The following ZNF165 variants were observed in gnomAD, a reference collection of about 807,000 sequenced individuals.
ZNF165 encodes cancer/testis antigen 53.
In ZNF165, 14 loss-of-function variants were observed where a neutral mutation model predicts 19.6. The ratio of observed to expected loss-of-function variants is 0.71; its 90% CI spans 0.47 to 1.12. The LOEUF is 1.12. Among genes scored for constraint, ZNF165 ranks in the 50% most tolerant of loss-of-function variants. The probability of loss-of-function intolerance (pLI) is 0.00; values close to 1 mark genes in which losing one functional copy is unlikely to be tolerated. For missense variants in ZNF165, 504 were observed against 566.3 expected (o/e 0.89, Z 1.12); for synonymous variants, 165 against 195.0 (o/e 0.85, Z 1.28).
intron 3 of ZNF165, among the ~76,000 whole-genome samples, chr6:28,087,379 G>C (rs1226487531): frequency 2.6e-5 from 4 of 152,148 alleles, no homozygotes; most frequent in Non-Finnish European, 2.9e-5. Flanking sequence ...CCGAGTAGCT[G>C]AGATTACATG....
intron 1 of ZNF165, among the ~76,000 whole-genome samples, chr6:28,085,095 A>AT (rs1233944635): frequency 6.6e-6 from 1 of 151,834 alleles, no homozygotes; most frequent in Admixed American, 6.6e-5. Context: ...TATTTTTCTC[A>AT]TCTCCTATTT....
rs1440159149 is a variant in ZNF165 at position 28,085,468 on chromosome 6, A to G, written c.1-13A>G. 6.2e-7 allele frequency: 1 copy of G among 1,600,844 alleles called. No individual in the cohort carries two copies. Among genetic ancestry groups the G allele is most frequent in the Admixed American group, 1.8e-5 (1 of 54,590 alleles). ...CTTTCCAAAGCAGTTCTGATAATAT[A>G]TTCTATCCACAGATGGCTACAGAAC... On this transcript the variant is annotated splice_polypyrimidine_tract_variant and intron_variant, in intron 1 of 3. Transcript: ENST00000683778.
At position 28,089,446 on chromosome 6, in the gene ZNF165, C is replaced by T; in HGVS notation, c.1434C>T (p.His478=). 6.2e-7 allele frequency: 1 copy of T among 1,602,212 alleles called. No homozygotes were observed. Reference sequence around the variant, plus strand: ...ACCTTAGTCAACACCAGAGAATTCACATGAGGGAAAACCTATTAATGTAAG... The same window carrying T: ...ACCTTAGTCAACACCAGAGAATTCATATGAGGGAAAACCTATTAATGTAAG... ...SSNLSQHQRI[H]MRENLLM The change falls in exon 4 of 4, where the codon CAC becomes CAT. Residue 478 remains histidine (H), a synonymous_variant. Transcript: ENST00000683778.
In ZNF165 at chr6:28,085,875, A is replaced by G. The variant is rs780039967; in HGVS notation, c.395A>G (p.Asp132Gly). 28 of 1,610,866 alleles carry G rather than the reference A, an allele frequency of 1.7e-5. 1 individual carries two copies. In the South Asian group the frequency reaches 3.1e-4, roughly 18 times the overall value. ...TILEDLERGT[D>G]EAVLQVQAHE... Reference sequence around the variant, plus strand: ...CTAGAAGATTTGGAGAGAGGCACTGATGAAGCAGTACTCCAGGTGCACAGG... The same window carrying G: ...CTAGAAGATTTGGAGAGAGGCACTGGTGAAGCAGTACTCCAGGTGCACAGG... The change falls in exon 2 of 4, where the codon GAT (aspartate) becomes GGT (glycine). Residue 132 changes from aspartate (D) to glycine (G), a missense_variant. Asp to Gly is a moderately conservative substitution (Grantham distance 94, BLOSUM62 -1). Coordinates refer to ENST00000683778, the MANE Select transcript of ZNF165 (RefSeq NM_001376491.1).
chr6:28,086,563 A>G (rs1764281435), intron 3 of ZNF165, among the ~76,000 whole-genome samples: 2 of 152,188 alleles, frequency 1.3e-5, no homozygotes, highest in Non-Finnish European at 2.9e-5. Flanking sequence ...TACTAAAAAT[A>G]CAAAAAATTA....
chr6:28,089,274 T>G lies in ZNF165; in HGVS notation c.1262T>G (p.Ile421Ser). ...TCACATCTTATCAGGCATCAGAGAA[T>G]TCACACCAGAGAGAAACCCTACGAG... ...LNSHLIRHQR[I>S]HTREKPYECS... Residue 421 changes from isoleucine to serine, a missense_variant, in exon 4 of 4, where the codon ATT (isoleucine) becomes AGT (serine). Ile to Ser is a moderately radical substitution (Grantham distance 142). Transcript: ENST00000683778. 6.2e-7 allele frequency: 1 copy of G among 1,614,154 alleles called. No individual in the cohort carries two copies. Among genetic ancestry groups the G allele is most frequent in the South Asian group, 1.1e-5 (1 of 91,076 alleles).
intron 2 of ZNF165, 46 bp from the exon 3 acceptor site, chr6:28,086,126 A>G (rs754873360): frequency 6.3e-7 from 1 of 1,581,642 alleles, no homozygotes; most frequent in Non-Finnish European, 8.6e-7. Flanking sequence ...AAGACGTTTA[A>G]CACAGGGATT....
rs1764369173 is a variant in ZNF165, at chr6:28,089,088, T to G, written c.1076T>G (p.Leu359Arg). The G allele has an allele frequency of 1.9e-6, 3 of 1,614,142 alleles. No individual in the cohort carries two copies. In the African/African-American group the frequency reaches 4.0e-5, roughly 22 times the overall value. Reference sequence around the variant, plus strand: ...AAAGCTTTCAGGCACAGCTCAAAACTTGCTAGGCATCAGAGAATCCACACT... The same window carrying G: ...AAAGCTTTCAGGCACAGCTCAAAACGTGCTAGGCATCAGAGAATCCACACT... ...CGKAFRHSSK[L>R]ARHQRIHTGE... is the part of the protein sequence containing the mutation. Residue 359 changes from leucine (L) to arginine (R), a missense_variant, in exon 4 of 4, where the codon CTT becomes CGT. Physicochemically the swap from Leu to Arg is moderately radical, Grantham distance 102 (BLOSUM62 -2). Transcript: ENST00000683778.
intron 3 of ZNF165, among the ~76,000 whole-genome samples, chr6:28,087,175 T>G (rs1054404240): frequency 1.3e-5 from 2 of 152,238 alleles, no homozygotes; most frequent in Non-Finnish European, 2.9e-5. Context: ...GCAGTATCAC[T>G]TAAGGTGTGA....
Position 28,089,325 on chromosome 6 carries a change from G to C in ZNF165, c.1313G>C (p.Arg438Pro). 1.2e-6 allele frequency: 2 copies of C among 1,614,132 alleles called. No homozygotes were observed. The highest frequency in any genetic ancestry group is 1.1e-5 in the South Asian group (1 of 91,084). The stretch of plus-strand genomic sequence containing the variant: ...TGTAGTGAATGTGGGAAAACCTTCC[G>C]AGTGAGCTCACATCTTATTCGACAC... ...YECSECGKTF[R>P]VSSHLIRHFR... The change falls in exon 4 of 4, where the codon CGA becomes CCA. Residue 438 changes from arginine (R) to proline (P), a missense_variant. Physicochemically the swap from Arg to Pro is moderately radical, Grantham distance 103. Transcript: ENST00000683778.
rs540430032 is a variant in ZNF165 at position 28,087,311 on chromosome 6, T to C, written c.550+1001T>C. On this transcript the variant is annotated intron_variant, in intron 3 of 3. Coordinates refer to ENST00000683778, the MANE Select transcript of ZNF165 (RefSeq NM_001376491.1). ...CCTAGGCTGGAGTGCAGTGGCGTGA[T>C]CTCAGCTCACTGCAACCTCCACCTC... Among the ~76,000 whole-genome samples the C allele has an allele frequency of 1.1e-4, 16 of 152,306 alleles. 1 individual carries two copies. In the East Asian group the frequency reaches 2.7e-3, roughly 26 times the overall value.
At position 28,086,312 on chromosome 6, in the gene ZNF165, T is replaced by C. The variant is rs752557753; in HGVS notation, c.550+2T>C. ...AACCCCAGCTCCTATGGGACTGTGG[T>C]GAGGGGCAGAATGCCATATAGTGCA... On this transcript the variant is annotated splice_donor_variant, in intron 3 of 3. Coordinates refer to ENST00000683778, the MANE Select transcript of ZNF165 (RefSeq NM_001376491.1). LOFTEE classifies it high-confidence loss of function. 2.5e-6 allele frequency: 4 copies of C among 1,611,418 alleles called. No homozygotes were observed. The African/African-American group carries it at 4.0e-5, about 16-fold the overall frequency.
Position 28,086,460 on chromosome 6 carries a change from C to G in ZNF165, c.550+150C>G, listed in dbSNP as rs894158824. 19 of 1,188,342 alleles carry G rather than the reference C, an allele frequency of 1.6e-5. 1 individual carries two copies. Among genetic ancestry groups the G allele is most frequent in the African/African-American group, 1.5e-4 (10 of 64,776 alleles). The allele number at this position is 1,188,342 out of a possible 1,614,324, so 73.6% of individuals were successfully genotyped here. A position where few individuals can be genotyped will look rare whatever the true frequency, so the allele number is the denominator to read the frequency against. On this transcript the variant is annotated intron_variant, in intron 3 of 3. Coordinates refer to ENST00000683778, the MANE Select transcript of ZNF165 (RefSeq NM_001376491.1). The stretch of plus-strand genomic sequence containing the variant: ...TTGTGGCCAGGTGCGGTGGCTCACT[C>G]CTGTAATCCCAGCACTTTGGGAGGC...
intron 3 of ZNF165, among the ~76,000 whole-genome samples, chr6:28,088,357 T>A (rs1420541632): frequency 1.3e-5 from 2 of 152,202 alleles, no homozygotes; most frequent in East Asian, 3.8e-4. Flanking sequence ...CACGTCTGAT[T>A]CCTCTCTCTG....
chr6:28,088,811 G>C lies in ZNF165; in HGVS notation c.799G>C (p.Gly267Arg). The change falls in exon 4 of 4, where the codon GGT (glycine) becomes CGT (arginine). Residue 267 changes from glycine (G) to arginine (R), a missense_variant. Transcript: ENST00000683778. Reference sequence around the variant, plus strand: ...CCTCACCCACAAAAATACAGTCAGAGGTGAAATAATAAGCCACGATGGATG... The same window carrying C: ...CCTCACCCACAAAAATACAGTCAGACGTGAAATAATAAGCCACGATGGATG... ...KILTHKNTVR[G>R]EIISHDGCER... 1 of 1,614,102 alleles carries C rather than the reference G, an allele frequency of 6.2e-7. No homozygotes were observed. Among genetic ancestry groups the C allele is most frequent in the Non-Finnish European group, 8.5e-7 (1 of 1,180,024 alleles).
rs1764260088 is a variant in ZNF165, at chr6:28,085,777, C to T, written c.297C>T (p.Thr99=). ...LELLVLEQFL[T]ILPGDLQAWV... Reference sequence around the variant, plus strand: ...TGCTGGTGCTAGAGCAGTTCCTGACCATCCTGCCAGGAGATTTGCAGGCCT... The same window carrying T: ...TGCTGGTGCTAGAGCAGTTCCTGACTATCCTGCCAGGAGATTTGCAGGCCT... Residue 99 remains threonine (T), a synonymous_variant, in exon 2 of 4, where the codon ACC becomes ACT. Transcript: ENST00000683778. 1 of 1,613,770 alleles carries T rather than the reference C, an allele frequency of 6.2e-7. No individual in the cohort carries two copies. Among genetic ancestry groups the T allele is most frequent in the Non-Finnish European group, 8.5e-7 (1 of 1,180,030 alleles).
At chr6:28,084,084 T>A (rs1764216038) in intron 1 of ZNF165, among the ~76,000 whole-genome samples, 1 of 152,344 alleles carries the variant, frequency 6.6e-6, no homozygotes, top group South Asian at 2.1e-4. Context: ...TTAAGCTGTA[T>A]ATTAGAATAC....
intron 1 of ZNF165, 87 bp from the exon 2 acceptor site, chr6:28,085,394 A>C: frequency 7.4e-7 from 1 of 1,347,980 alleles, no homozygotes; most frequent in Non-Finnish European, 1.0e-6. Flanking sequence ...CTTAGACAGT[A>C]ATAGTAACTT....
Position 28,088,592 on chromosome 6 carries a change from C to T in ZNF165, c.580C>T (p.Pro194Ser), listed in dbSNP as rs780221549. 9.9e-6 allele frequency: 16 copies of T among 1,610,254 alleles called. No homozygotes were observed. The Admixed American group carries it at 1.0e-4, about 10-fold the overall frequency. The change falls in exon 4 of 4, where the codon CCA becomes TCA. Residue 194 changes from proline to serine, a missense_variant. Transcript: ENST00000683778. ...TGAGAGTGAAAACAGTAGATCCATG[C>T]CAAAGCTGGAAATTTTTGAAAAAAT... The part of the protein sequence containing the change: ...DNESENSRSM[P>S]KLEIFEKIES...
Sources: allele counts gnomAD v4.1 joint callset (sites outside exome capture counted in the v4.1 genomes callset), GRCh38; gene constraint gnomAD v4.1.1; transcripts MANE v1.5; gene names NCBI Gene and HGNC (gene_info 2026-07-23, HGNC 2026-07-21).